Variants in SPATA6 observed in about 807,000 individuals in gnomAD.
SPATA6 encodes the protein spermatogenesis associated 6, also known as spermatogenesis-associated protein 6.
Under a neutral mutation model 65.3 loss-of-function variants are expected in SPATA6, and 56 were observed. That is an observed-to-expected ratio of 0.86 (90% confidence interval 0.69 to 1.07). The LOEUF is 1.07. Among genes scored for constraint, SPATA6 ranks in the 50% least tolerant of loss-of-function variants. The pLI is 0.00. For missense variants in SPATA6, 590 were observed against 594.8 expected (o/e 0.99, Z 0.08); for synonymous variants, 199 against 213.2 (o/e 0.93, Z 0.58).
At chr1:48,311,934 C>T (rs994452298) in intron 11 of SPATA6, among the ~76,000 whole-genome samples, 1 of 152,212 alleles carries the variant, frequency 6.6e-6, no homozygotes, top group Non-Finnish European at 1.5e-5. Context: ...CCGCGATTGG[C>T]TTGGAGGGTC....
intron 9 of SPATA6, among the ~76,000 whole-genome samples, chr1:48,360,668 C>T (rs1047165805): frequency 5.3e-5 from 8 of 152,094 alleles, no homozygotes; most frequent in African/African-American, 1.2e-4. Context: ...AAAAATATGT[C>T]CTGACTTTTT....
At chr1:48,366,057 G>A (rs561302159) in intron 9 of SPATA6, among the ~76,000 whole-genome samples, 40 of 152,208 alleles carry the variant, frequency 2.6e-4, no homozygotes, top group Admixed American at 1.2e-3. Context: ...ATAATCATAC[G>A]GTATTTGTCT....
chr1:48,365,786 T>C (rs1194119387), intron 9 of SPATA6, among the ~76,000 whole-genome samples: 1 of 152,142 alleles, frequency 6.6e-6, no homozygotes, highest in Non-Finnish European at 1.5e-5. Flanking sequence ...ACCCTTTATT[T>C]CCTTCTCCTG....
chr1:48,403,699 A>G (rs1651404379), intron 6 of SPATA6, 103 bp downstream of exon 6: 1 of 873,870 alleles, frequency 1.1e-6, no homozygotes, highest in South Asian at 2.0e-5. Flanking sequence ...GACCCCCCAA[A>G]AAGTGAAAAG....
intron 3 of SPATA6, among the ~76,000 whole-genome samples, chr1:48,414,717 A>G (rs1202744700): frequency 1.3e-5 from 2 of 152,168 alleles, no homozygotes. Context: ...CACACCTTAC[A>G]TTACTAAAAG....
At chr1:48,463,299 C>T (rs936180047) in intron 1 of SPATA6, among the ~76,000 whole-genome samples, 7 of 151,966 alleles carry the variant, frequency 4.6e-5, no homozygotes, top group Admixed American at 4.6e-4. Context: ...CATTAAAATA[C>T]CACAATAAAA....
chr1:48,314,231 A>G (rs1645328067), intron 11 of SPATA6, among the ~76,000 whole-genome samples: 1 of 152,188 alleles, frequency 6.6e-6, no homozygotes, highest in East Asian at 1.9e-4. Flanking sequence ...GAATCAACAG[A>G]ATATACATTC....
chr1:48,412,720 G>C (rs143786377), intron 4 of SPATA6, among the ~76,000 whole-genome samples: 323 of 152,260 alleles, frequency 2.1e-3, no homozygotes, highest in African/African-American at 7.0e-3. Context: ...CCGGGTTCAA[G>C]TGATTCTTCT....
At chr1:48,379,522 G>C (rs192484886) in intron 9 of SPATA6, among the ~76,000 whole-genome samples, 1 of 152,276 alleles carries the variant, frequency 6.6e-6, no homozygotes, top group Non-Finnish European at 1.5e-5. Context: ...AAAGTTTCAA[G>C]TAGACAGGAT....
intron 11 of SPATA6, among the ~76,000 whole-genome samples, chr1:48,328,791 C>A (rs1570145900): frequency 6.6e-6 from 1 of 151,946 alleles, no homozygotes; most frequent in African/African-American, 2.4e-5. Context: ...AATAAAAAGC[C>A]TTTAGAATTG....
chr1:48,366,191 T>A (rs1348658691), intron 9 of SPATA6, among the ~76,000 whole-genome samples: 1 of 152,172 alleles, frequency 6.6e-6, no homozygotes. Context: ...CTGGATTCGG[T>A]TTGCCAGTAT....
intron 1 of SPATA6, among the ~76,000 whole-genome samples, chr1:48,464,234 A>G (rs1233141344): frequency 6.6e-6 from 1 of 152,144 alleles, no homozygotes; most frequent in African/African-American, 2.4e-5. Flanking sequence ...AGAAAAAACG[A>G]CAAAGATACC....
rs1290668456 is a variant in SPATA6 at position 48,340,365 on chromosome 1, AAAT to A, written c.1194+15302_1194+15304del. On this transcript the variant is annotated intron_variant, in intron 11 of 12. Transcript: ENST00000371847. ...CAAAAAAGATAAGTAAGTAAATATA[AAAT>A]AATATTACTATACAATAGTAGCAAT... 4.0e-5 allele frequency among the ~76,000 whole-genome samples: 6 copies of A among 151,480 alleles called. No individual in the cohort carries two copies. The East Asian group carries it at 7.7e-4, about 19-fold the overall frequency.
chr1:48,261,942 T>A, the SPATA6 span, among the ~76,000 whole-genome samples: 1 of 152,104 alleles, frequency 6.6e-6, no homozygotes, highest in African/African-American at 2.4e-5. Context: ...CAGAGTACTA[T>A]TCACTGTTTC....
At chr1:48,286,149 T>A in the SPATA6 span, among the ~76,000 whole-genome samples, 180 of 152,266 alleles carry the variant, frequency 1.2e-3, no homozygotes, top group Non-Finnish European at 2.0e-3. Flanking sequence ...ACTTTGGCTA[T>A]TTGGGGACAT....
intron 9 of SPATA6, among the ~76,000 whole-genome samples, chr1:48,382,465 T>TC (rs1260461336): frequency 1.7e-4 from 16 of 93,700 alleles, no homozygotes; most frequent in East Asian, 9.9e-4. Flanking sequence ...CGGGGGGCTG[T>TC]CCCCCCCACC....
chr1:48,324,526 A>C (rs371527321), intron 11 of SPATA6, among the ~76,000 whole-genome samples: 2 of 152,230 alleles, frequency 1.3e-5, no homozygotes, highest in African/African-American at 4.8e-5. Context: ...CAGGGATGCA[A>C]GGATGGTTCA....
chr1:48,329,062 T>G (rs1278384534), intron 11 of SPATA6, among the ~76,000 whole-genome samples: 2 of 152,180 alleles, frequency 1.3e-5, no homozygotes, highest in Non-Finnish European at 2.9e-5. Context: ...TGATGAAATA[T>G]TAATACATTT....
intron 3 of SPATA6, among the ~76,000 whole-genome samples, chr1:48,435,233 C>T (rs1255163002): frequency 6.6e-6 from 1 of 152,130 alleles, no homozygotes; most frequent in East Asian, 1.9e-4. Context: ...CTCCCTGGGT[C>T]AAGTGGGGAC....
Sources: gnomAD v4.1 joint callset for allele counts (sites outside exome capture counted in the v4.1 genomes callset) on GRCh38, gnomAD v4.1.1 for gene constraint, MANE v1.5 for transcripts, NCBI Gene and HGNC (gene_info 2026-07-23, HGNC 2026-07-21) for gene names.